Variants in MAPK6 observed in about 807,000 individuals in gnomAD.
MAPK6 encodes the protein mitogen-activated protein kinase 6, also known as ERK-3.
A neutral mutation model predicts 59.3 loss-of-function variants in MAPK6; 19 were observed. That is an observed-to-expected ratio of 0.32 (90% confidence interval 0.22 to 0.47). The LOEUF (loss-of-function observed/expected upper bound fraction) is 0.47, where lower values mean the gene tolerates loss of function less well. Ranked by LOEUF, MAPK6 falls within the 20% of genes least tolerant of loss-of-function variation. The pLI is 1.00. For synonymous variants in MAPK6, 316 were observed against 290.3 expected (o/e 1.09, Z -0.90); for missense variants, 724 against 847.9 (o/e 0.85, Z 1.81).
At chr15:52,015,772 A>T (rs1386114560), upstream of MAPK6, among the ~76,000 whole-genome samples, 2 of 146,620 alleles carry the variant, frequency 1.4e-5, no homozygotes, top group Non-Finnish European at 3.0e-5. Context: ...AAGAACTGAA[A>T]CCGGGCTGGG....
intron 1 of MAPK6, among the ~76,000 whole-genome samples, chr15:51,972,098 C>G (rs1026503571): frequency 6.6e-6 from 1 of 151,924 alleles, no homozygotes; most frequent in African/African-American, 2.4e-5. Flanking sequence ...TTGTTTCTTA[C>G]TGAGCAGCTG....
chr15:51,983,054 C>G (rs142335496), intron 1 of MAPK6, among the ~76,000 whole-genome samples: 140 of 152,266 alleles, frequency 9.2e-4, no homozygotes, highest in Non-Finnish European at 1.8e-3. Context: ...TGCTACTTAA[C>G]ACAAAATCAA....
At position 52,064,491 on chromosome 15, in the gene MAPK6, T is replaced by G; in HGVS notation, c.1657T>G (p.Leu553Val). The change falls in exon 6 of 6, where the codon TTG becomes GTG. Residue 553 changes from leucine to valine, a missense_variant. This residue lies in a region of MAPK6 where 502 missense variants were observed against 507.6 expected (regional missense o/e 0.99). Transcript: ENST00000261845. ...PTDVVDKLND[L>V]NSSVSQLELK... The stretch of plus-strand genomic sequence containing the variant: ...TGATGTTGTTGATAAATTAAATGAC[T>G]TGAATAGCTCAGTGTCCCAACTAGA... 6.2e-7 allele frequency: 1 copy of G among 1,608,670 alleles called. No individual in the cohort carries two copies. The highest frequency in any genetic ancestry group is 1.1e-5 in the South Asian group (1 of 90,458).
intron 1 of MAPK6, among the ~76,000 whole-genome samples, chr15:51,973,006 T>C (rs965280791): frequency 4.0e-5 from 6 of 151,636 alleles, no homozygotes; most frequent in Non-Finnish European, 7.4e-5. Flanking sequence ...AAGGCTCTGT[T>C]TCTTAGAAGA....
intron 2 of MAPK6, among the ~76,000 whole-genome samples, chr15:51,992,379 G>A (rs149802522): frequency 6.7e-6 from 1 of 148,536 alleles, no homozygotes; most frequent in African/African-American, 2.5e-5. Flanking sequence ...TCGGCTCACT[G>A]CAAGCTCTGC....
intron 2 of MAPK6, among the ~76,000 whole-genome samples, chr15:51,983,524 A>G (rs1471444186): frequency 6.8e-6 from 1 of 146,476 alleles, no homozygotes; most frequent in Non-Finnish European, 1.5e-5. Context: ...AAAACAGGAC[A>G]ACAGGGCTGA....
At chr15:52,063,785 T>A in intron 5 of MAPK6, 117 bp from the exon 6 acceptor site, 1 of 750,098 alleles carries the variant, frequency 1.3e-6, no homozygotes, top group Non-Finnish European at 1.9e-6. Flanking sequence ...GCATATTTAC[T>A]CTCCTATAAT....
intron 1 of MAPK6, among the ~76,000 whole-genome samples, chr15:52,033,123 G>A (rs2031103620): frequency 6.6e-6 from 1 of 152,184 alleles, no homozygotes; most frequent in African/African-American, 2.4e-5. Flanking sequence ...TTCTACTTTT[G>A]TCTTTTCTTT....
intron 3 of MAPK6, among the ~76,000 whole-genome samples, chr15:52,050,545 T>G (rs1044703717): frequency 1.3e-5 from 2 of 152,208 alleles, no homozygotes; most frequent in African/African-American, 4.8e-5. Flanking sequence ...TTGGTGCTAT[T>G]TAGAAGTCTA....
chr15:51,971,936 C>T lies in MAPK6; in HGVS notation c.-880+30C>T, dbSNP rs1299558843. ...GCATGGTATATAAGCCCGGCCATTT[C>T]GTCAATATCTGTTATTTGCCAGGAT... is the stretch of plus-strand genomic sequence containing the variant. On this transcript the variant is annotated intron_variant, in intron 1 of 7. Coordinates refer to the MAPK6 transcript ENST00000691380. The T allele has an allele frequency of 6.6e-6, 4 of 603,378 alleles. No homozygotes were observed. The Admixed American group carries it at 8.1e-5, about 12-fold the overall frequency. The allele number at this position is 603,378 out of a possible 1,614,324, so 37.4% of individuals were successfully genotyped here.
At position 52,043,742 on chromosome 15, in the gene MAPK6, A is replaced by ATTTTTT. The variant is rs71130125; in HGVS notation, c.-631-2059_-631-2054dup. Among the ~76,000 whole-genome samples, 252 of 40,668 alleles carry ATTTTTT rather than the reference A, an allele frequency of 6.2e-3. 42 individuals carry two copies. The highest frequency in any genetic ancestry group is 8.7e-3 in the African/African-American group (96 of 11,086). 26.7% of individuals were successfully genotyped at this position (40,668 alleles called of 152,430 possible). A position where few individuals can be genotyped will look rare whatever the true frequency, so the allele number is the denominator to read the frequency against. On this transcript the variant is annotated intron_variant, in intron 1 of 5. Transcript: ENST00000261845. Reference sequence around the variant, plus strand: ...TGATATGTTGGACTTAAGTTGTTTGATTTTTTTTTTTTTTTTTTTTTTTTT... The same window carrying ATTTTTT: ...TGATATGTTGGACTTAAGTTGTTTGATTTTTTTTTTTTTTTTTTTTTTTTTTTTTTT...
intron 4 of MAPK6, among the ~76,000 whole-genome samples, chr15:52,060,760 G>T (rs928968579): frequency 1.3e-5 from 2 of 152,208 alleles, no homozygotes; most frequent in African/African-American, 2.4e-5. Context: ...GTGAAGCAGA[G>T]ATCAAGAAAT....
intron 3 of MAPK6, among the ~76,000 whole-genome samples, chr15:52,008,422 C>G (rs1432490004): frequency 6.6e-6 from 1 of 152,182 alleles, no homozygotes; most frequent in Non-Finnish European, 1.5e-5. Flanking sequence ...GTAGACAAAA[C>G]AGGCTTACCT....
chr15:52,000,677 A>T (rs1394450734), intron 2 of MAPK6, among the ~76,000 whole-genome samples: 11 of 151,956 alleles, frequency 7.2e-5, no homozygotes, highest in Non-Finnish European at 1.2e-4. Context: ...ATGGTGCCAC[A>T]CACCTGTAGT....
At chr15:52,024,458 T>G (rs1419703843) in intron 1 of MAPK6, 1 of 151,922 alleles carries the variant, frequency 6.6e-6, no homozygotes, top group African/African-American at 2.4e-5. Context: ...TAGAGTGCAG[T>G]GGCACGATCT....
intron 1 of MAPK6, among the ~76,000 whole-genome samples, chr15:52,040,917 TCTC>T (rs1431633369): frequency 1.3e-5 from 2 of 152,226 alleles, no homozygotes; most frequent in African/African-American, 2.4e-5. Flanking sequence ...TATAAATTAT[TCTC>T]TTTACTTCAT....
At chr15:51,993,136 T>G (rs1298623909) in intron 2 of MAPK6, among the ~76,000 whole-genome samples, 2 of 152,046 alleles carry the variant, frequency 1.3e-5, no homozygotes, top group African/African-American at 4.8e-5. Flanking sequence ...TATTCAGGAG[T>G]GTACCAAAAG....
rs1290884462 is a variant in MAPK6 at position 52,030,053 on chromosome 15, G to A, written c.-632+10677G>A. Among the ~76,000 whole-genome samples the A allele has an allele frequency of 2.0e-5, 3 of 152,298 alleles. No individual in the cohort carries two copies. The South Asian group carries it at 6.2e-4, about 32-fold the overall frequency. On this transcript the variant is annotated intron_variant, in intron 1 of 5. Coordinates refer to ENST00000261845, the MANE Select transcript of MAPK6 (RefSeq NM_002748.4). ...TACCTCCTTTCCTTTGCCCTTTGCT[G>A]TGGATGCTGTGGCTACACTGGCATT...
intron 1 of MAPK6, among the ~76,000 whole-genome samples, chr15:51,975,344 C>A (rs568876242): frequency 6.6e-6 from 1 of 151,620 alleles, no homozygotes; most frequent in Non-Finnish European, 1.5e-5. Context: ...AGATCAAGAC[C>A]ATCCTGGCCA....
Sources: allele counts gnomAD v4.1 joint callset (sites outside exome capture counted in the v4.1 genomes callset), GRCh38; gene constraint gnomAD v4.1.1; regional missense constraint gnomAD v4.1.1; transcripts MANE v1.5; gene names NCBI Gene and HGNC (gene_info 2026-07-23, HGNC 2026-07-21).